The following BRAF variants were observed in gnomAD, a reference collection of about 807,000 sequenced individuals.
BRAF encodes the protein B-Raf proto-oncogene, serine/threonine kinase, also known as serine/threonine-protein kinase B-raf.
A neutral mutation model predicts 104.6 loss-of-function variants in BRAF; 16 were observed. The observed-to-expected ratio is 0.15, with a 90% CI of 0.10 to 0.23. BRAF has a LOEUF of 0.23. BRAF is among the 10% of genes least tolerant of loss of function. The pLI is 1.00. For missense variants in BRAF, 541 were observed against 937.3 expected, an observed-to-expected ratio of 0.58 and a Z score of 5.52; for synonymous variants, 310 against 341.6, an observed-to-expected ratio of 0.91 and a Z score of 1.02.
chr7:140,815,747 T>C (rs1300434361), intron 3 of BRAF, among the ~76,000 whole-genome samples: 3 of 152,102 alleles, frequency 2.0e-5, no homozygotes, highest in Non-Finnish European at 4.4e-5. Flanking sequence ...AATTACAATA[T>C]TGTTTTAAAG....
At chr7:140,734,441 T>C in intron 19 of BRAF, 1 of 1,538,658 alleles carries the variant, frequency 6.5e-7, no homozygotes, top group Non-Finnish European at 8.7e-7. Flanking sequence ...AATTTTAGTT[T>C]GGGGAAAAAT....
intron 7 of BRAF, 134 bp from the exon 8 acceptor site, chr7:140,794,601 A>C: frequency 9.3e-7 from 1 of 1,073,262 alleles, no homozygotes; most frequent in Non-Finnish European, 1.4e-6. Flanking sequence ...ACCTAGCAGT[A>C]ATGACTTTTA....
intron 1 of BRAF, among the ~76,000 whole-genome samples, chr7:140,860,509 G>A (rs1055791758): frequency 6.6e-6 from 1 of 150,742 alleles, no homozygotes; most frequent in Non-Finnish European, 1.5e-5. Context: ...GTTGGATGCG[G>A]TACCACATAC....
At chr7:140,765,910 G>C (rs993011530) in intron 14 of BRAF, among the ~76,000 whole-genome samples, 3 of 142,856 alleles carry the variant, frequency 2.1e-5, no homozygotes, top group Non-Finnish European at 4.4e-5. Flanking sequence ...CAGGGATCTA[G>C]AACTAGAAAT....
chr7:140,760,676 G>A (rs1475273087), intron 14 of BRAF, among the ~76,000 whole-genome samples: 3 of 152,016 alleles, frequency 2.0e-5, no homozygotes, highest in Middle Eastern at 3.2e-3. Context: ...AGAATAACCA[G>A]TGTAGAGAAG....
intron 16 of BRAF, among the ~76,000 whole-genome samples, chr7:140,751,454 T>C (rs1221556553): frequency 6.6e-6 from 1 of 152,186 alleles, no homozygotes; most frequent in Non-Finnish European, 1.5e-5. Flanking sequence ...TGACATCAGA[T>C]TATAGTTATT....
chr7:140,815,297 C>T (rs1045388360), intron 3 of BRAF, among the ~76,000 whole-genome samples: 1 of 151,870 alleles, frequency 6.6e-6, no homozygotes, highest in Non-Finnish European at 1.5e-5. Flanking sequence ...GCCACCACGC[C>T]TGGCTAATTT....
chr7:140,775,566 C>T (rs1034915964), intron 14 of BRAF, among the ~76,000 whole-genome samples: 1 of 150,820 alleles, frequency 6.6e-6, no homozygotes, highest in Non-Finnish European at 1.5e-5. Flanking sequence ...CTTGAACTCC[C>T]GACCTCAGGT....
downstream of BRAF, among the ~76,000 whole-genome samples, chr7:140,719,131 G>C (rs930774283): frequency 6.6e-6 from 1 of 152,168 alleles, no homozygotes; most frequent in African/African-American, 2.4e-5. Flanking sequence ...TGTTGCCACT[G>C]CAAGTTGTAT....
chr7:140,786,170 T>A (rs1401778311), intron 9 of BRAF, among the ~76,000 whole-genome samples: 3 of 152,080 alleles, frequency 2.0e-5, no homozygotes. Flanking sequence ...GGCAGGTTCA[T>A]GAAATAACAA....
chr7:140,901,828 C>A (rs1191296431), intron 1 of BRAF, among the ~76,000 whole-genome samples: 1 of 152,228 alleles, frequency 6.6e-6, no homozygotes, highest in Non-Finnish European at 1.5e-5. Context: ...ATCTGGGGCA[C>A]ACTTTCATCA....
chr7:140,849,023 T>C (rs1808860697), intron 2 of BRAF, among the ~76,000 whole-genome samples: 1 of 152,214 alleles, frequency 6.6e-6, no homozygotes, highest in Admixed American at 6.5e-5. Context: ...TGCTTAAAAA[T>C]CTCTGGTATT....
At chr7:140,844,779 A>G (rs7791022) in intron 2 of BRAF, among the ~76,000 whole-genome samples, 6,870 of 152,082 alleles carry the variant, frequency 0.045, 265 homozygotes, top group African/African-American at 0.1. Context: ...TACAAAAGGT[A>G]GGCATGGTGG....
intron 3 of BRAF, among the ~76,000 whole-genome samples, chr7:140,810,007 G>A (rs1804071489): frequency 6.6e-6 from 1 of 152,144 alleles, no homozygotes; most frequent in South Asian, 2.1e-4. Flanking sequence ...GAATACAGAG[G>A]ACACAGTTTT....
At position 140,722,117 on chromosome 7, in the gene BRAF, TG is replaced by T; in HGVS notation, c.*4376del. 1 of 1,072,722 alleles carries T rather than the reference TG, an allele frequency of 9.3e-7. No homozygotes were observed. Among genetic ancestry groups the T allele is most frequent in the Admixed American group, 5.3e-5 (1 of 18,962 alleles). 66.5% of individuals were successfully genotyped at this position (1,072,722 alleles called of 1,614,324 possible). A position where few individuals can be genotyped will look rare whatever the true frequency, so the allele number is the denominator to read the frequency against. On this transcript the variant is annotated 3_prime_UTR_variant, in exon 20 of 20. Coordinates refer to ENST00000644969, the MANE Select transcript of BRAF (RefSeq NM_001374258.1). ...AAAGTTCCATGCTTTGAAGAGCCTA[TG>T]GGAGTAGAAAAAGTTTCTCTAGAAA... is the stretch of plus-strand genomic sequence containing the variant.
intron 1 of BRAF, among the ~76,000 whole-genome samples, chr7:140,921,287 T>C (rs926265449): frequency 6.6e-6 from 1 of 152,146 alleles, no homozygotes; most frequent in Non-Finnish European, 1.5e-5. Flanking sequence ...TAAATATAAA[T>C]GGTCAGATGT....
chr7:140,834,562 G>T (rs763612198), intron 3 of BRAF, 47 bp downstream of exon 3: 1 of 1,608,730 alleles, frequency 6.2e-7, no homozygotes, highest in Non-Finnish European at 8.5e-7. Flanking sequence ...TGATCTGTCT[G>T]AAAAATACAA....
intron 17 of BRAF, among the ~76,000 whole-genome samples, chr7:140,748,692 G>C (rs1333506390): frequency 1.3e-5 from 2 of 152,048 alleles, no homozygotes; most frequent in Non-Finnish European, 2.9e-5. Context: ...AGCCTACTGA[G>C]GCAGAGATAG....
At chr7:140,728,925 T>TA (rs1403918012) in intron 19 of BRAF, among the ~76,000 whole-genome samples, 6 of 151,874 alleles carry the variant, frequency 4.0e-5, no homozygotes, top group East Asian at 1.9e-4. Context: ...AAAAAATACT[T>TA]AAAAAAATCT....
Sources: allele counts gnomAD v4.1 joint callset (sites outside exome capture counted in the v4.1 genomes callset), GRCh38; gene constraint gnomAD v4.1.1; transcripts MANE v1.5; gene names NCBI Gene and HGNC (gene_info 2026-07-23, HGNC 2026-07-21).